The following BCAS3 variants were observed in gnomAD, a reference collection of about 807,000 sequenced individuals.
The protein encoded by BCAS3 is BCAS3 microtubule associated cell migration factor.
Under a neutral mutation model 116.1 loss-of-function variants are expected in BCAS3, and 53 were observed. The observed-to-expected ratio is 0.46, with a 90% CI of 0.37 to 0.57. BCAS3 has a LOEUF of 0.57. BCAS3 is among the 20% of genes least tolerant of loss of function. BCAS3 has a pLI of 0.00. For synonymous variants in BCAS3, 391 were observed against 408.2 expected (o/e 0.96, Z 0.51); for missense variants, 917 against 1,165.4 (o/e 0.79, Z 3.10).
intron 7 of BCAS3, among the ~76,000 whole-genome samples, chr17:60,856,027 C>T (rs1047210087): frequency 2.0e-5 from 3 of 152,084 alleles, no homozygotes; most frequent in Non-Finnish European, 2.9e-5. Context: ...TATATAATCT[C>T]TTTCATGAAG....
intron 22 of BCAS3, among the ~76,000 whole-genome samples, chr17:61,308,859 T>G (rs1347813560): frequency 2.6e-5 from 4 of 152,236 alleles, no homozygotes; most frequent in Admixed American, 1.3e-4. Flanking sequence ...TCTTTATTAC[T>G]TGGCATTATT....
chr17:61,308,656 G>A (rs9896899), intron 22 of BCAS3, among the ~76,000 whole-genome samples: 2,805 of 151,942 alleles, frequency 0.018, 70 homozygotes, highest in African/African-American at 0.064. Context: ...AGGCAGGAGG[G>A]AGACAACAAT....
At chr17:61,329,791 T>TTAC (rs2056106838) in intron 22 of BCAS3, among the ~76,000 whole-genome samples, 1 of 151,390 alleles carries the variant, frequency 6.6e-6, no homozygotes, top group Non-Finnish European at 1.5e-5. Flanking sequence ...TCCTCGGCGC[T>TTAC]CACCTCCTCC....
chr17:61,053,936 A>T (rs2069119260), intron 19 of BCAS3, among the ~76,000 whole-genome samples: 1 of 152,216 alleles, frequency 6.6e-6, no homozygotes, highest in Admixed American at 6.5e-5. Flanking sequence ...GAAACTAAAC[A>T]TTTGAGACAT....
At chr17:61,345,009 A>T (rs2057418930) in intron 22 of BCAS3, among the ~76,000 whole-genome samples, 1 of 152,186 alleles carries the variant, frequency 6.6e-6, no homozygotes. Flanking sequence ...AGCACAGGGT[A>T]ATCTGGATTA....
chr17:60,799,033 G>A (rs967000479), intron 6 of BCAS3, among the ~76,000 whole-genome samples: 3 of 152,162 alleles, frequency 2.0e-5, no homozygotes, highest in Non-Finnish European at 4.4e-5. Flanking sequence ...TGAATTTTAA[G>A]ATTCCTTTGT....
intron 7 of BCAS3, among the ~76,000 whole-genome samples, chr17:60,818,730 A>G (rs573029059): frequency 1.2e-4 from 19 of 152,132 alleles, no homozygotes; most frequent in African/African-American, 4.3e-4. Context: ...TCTCTCTGGC[A>G]TTTTTCAGGC....
chr17:61,179,639 C>T (rs117185684), intron 22 of BCAS3, among the ~76,000 whole-genome samples: 1 of 152,198 alleles, frequency 6.6e-6, no homozygotes, highest in Non-Finnish European at 1.5e-5. Flanking sequence ...AACCCTCTAT[C>T]TCTTGCCTCT....
At chr17:61,102,820 C>T (rs940141539) in intron 22 of BCAS3, among the ~76,000 whole-genome samples, 2 of 152,052 alleles carry the variant, frequency 1.3e-5, no homozygotes, top group Non-Finnish European at 2.9e-5. Flanking sequence ...AGGTACATAA[C>T]AAGGACTCAT....
intron 22 of BCAS3, among the ~76,000 whole-genome samples, chr17:61,110,034 G>GT (rs1334013286): frequency 6.6e-6 from 1 of 152,136 alleles, no homozygotes; most frequent in Non-Finnish European, 1.5e-5. Flanking sequence ...GTCTAGAAGG[G>GT]TTTCTTCTGA....
intron 22 of BCAS3, among the ~76,000 whole-genome samples, chr17:61,210,300 G>A (rs1177665019): frequency 1.3e-5 from 2 of 152,210 alleles, no homozygotes; most frequent in Non-Finnish European, 2.9e-5. Flanking sequence ...GAGGGGTGAA[G>A]TAACCTGGTG....
At chr17:60,910,068 A>G (rs1021244551) in intron 11 of BCAS3, among the ~76,000 whole-genome samples, 4 of 152,198 alleles carry the variant, frequency 2.6e-5, no homozygotes, top group African/African-American at 9.6e-5. Context: ...TCTTTTCCAC[A>G]TAGGTATTCT....
In BCAS3 at chr17:61,310,007, T is replaced by TC. The variant is rs35026348; in HGVS notation, c.2426-58317dup. ...TGTGTTTCCTTAATAGGAAGCCATATCCCAGCCATGTGGCAAGAATTAGTC... is the reference window on the plus strand; with the variant it reads ...TGTGTTTCCTTAATAGGAAGCCATATCCCCAGCCATGTGGCAAGAATTAGTC... On this transcript the variant is annotated intron_variant, in intron 22 of 23. Transcript: ENST00000407086. Among the ~76,000 whole-genome samples the TC allele has an allele frequency of 7.8e-3, 1,193 of 152,298 alleles. 68 individuals carry two copies. The East Asian group carries it at 0.15, about 19-fold the overall frequency.
intron 12 of BCAS3, among the ~76,000 whole-genome samples, chr17:60,917,722 T>C (rs1599670128): frequency 6.6e-6 from 1 of 152,096 alleles, no homozygotes; most frequent in East Asian, 1.9e-4. Context: ...GCCTCCCAAG[T>C]AGCTGGATTA....
At chr17:61,273,253 C>T (rs1438500171) in intron 22 of BCAS3, among the ~76,000 whole-genome samples, 2 of 151,966 alleles carry the variant, frequency 1.3e-5, no homozygotes, top group African/African-American at 2.4e-5. Flanking sequence ...GGACTACAGG[C>T]GCGCACCACC....
chr17:60,963,187 T>C (rs548200707), intron 14 of BCAS3, among the ~76,000 whole-genome samples: 1 of 152,320 alleles, frequency 6.6e-6, no homozygotes, highest in Admixed American at 6.5e-5. Context: ...TTCAGTTCCT[T>C]TGGCTCAGGA....
At chr17:61,009,903 G>A (rs2145509480) in intron 15 of BCAS3, among the ~76,000 whole-genome samples, 1 of 152,006 alleles carries the variant, frequency 6.6e-6, no homozygotes, top group Middle Eastern at 3.4e-3. Flanking sequence ...ACATTACCTG[G>A]GAGTTGCTGC....
intron 14 of BCAS3, among the ~76,000 whole-genome samples, chr17:60,970,261 T>C (rs889931717): frequency 2.6e-5 from 4 of 151,718 alleles, no homozygotes; most frequent in Non-Finnish European, 5.9e-5. Flanking sequence ...ACATAAAAAA[T>C]CAATGCTTCA....
At chr17:60,720,629 A>G (rs1168194708) in intron 5 of BCAS3, among the ~76,000 whole-genome samples, 2 of 152,242 alleles carry the variant, frequency 1.3e-5, no homozygotes, top group African/African-American at 4.8e-5. Flanking sequence ...ATAATTCAAC[A>G]ATAAAAAATA....
Sources: gnomAD v4.1 joint callset for allele counts (sites outside exome capture counted in the v4.1 genomes callset) on GRCh38, gnomAD v4.1.1 for gene constraint, MANE v1.5 for transcripts, NCBI Gene and HGNC (gene_info 2026-07-23, HGNC 2026-07-21) for gene names.